COL19A1: variants seen among roughly 807,000 people sequenced by gnomAD.
COL19A1 encodes the protein collagen type XIX alpha 1 chain.
COL19A1 carries 159 observed loss-of-function variants against 190.2 expected under a neutral mutation model. That is an observed-to-expected ratio of 0.84 (90% CI 0.73 to 0.95). The LOEUF is 0.95. Among genes scored for constraint, COL19A1 ranks in the 40% least tolerant of loss-of-function variants. COL19A1 has a pLI of 0.00. For synonymous variants in COL19A1, 509 were observed against 458.9 expected (o/e 1.11, Z -1.39); for missense variants, 1,418 against 1,431.9 (o/e 0.99, Z 0.16).
In COL19A1 at chr6:70,142,088, A is replaced by G; in HGVS notation, c.1572+12A>G. 6.2e-7 allele frequency: 1 copy of G among 1,608,350 alleles called. No homozygotes were observed. Among genetic ancestry groups the G allele is most frequent in the Non-Finnish European group, 8.5e-7 (1 of 1,176,682 alleles). Reference sequence around the variant, plus strand: ...GCCCAGGACTAAAGGTATATAAGAAATAACTAAGATTTCTTGGGAAATAAT... The same window carrying G: ...GCCCAGGACTAAAGGTATATAAGAAGTAACTAAGATTTCTTGGGAAATAAT... On this transcript the variant is annotated intron_variant, in intron 22 of 50. Coordinates refer to ENST00000620364, the MANE Select transcript of COL19A1 (RefSeq NM_001858.6).
chr6:69,868,189 G>A (rs1234549031), intron 1 of COL19A1, among the ~76,000 whole-genome samples: 1 of 147,814 alleles, frequency 6.8e-6, no homozygotes, highest in Non-Finnish European at 1.5e-5. Flanking sequence ...AATTCTTTAG[G>A]AGACTAAAGG....
chr6:70,005,781 G>A (rs1777584512), intron 11 of COL19A1, among the ~76,000 whole-genome samples: 2 of 152,098 alleles, frequency 1.3e-5, no homozygotes, highest in African/African-American at 2.4e-5. Context: ...CTGGTCCACA[G>A]AGACTGTGGT....
In COL19A1 at chr6:70,156,665, T is replaced by C. The variant is rs370999283; in HGVS notation, c.2239-5T>C. 16 of 1,611,518 alleles carry C rather than the reference T, an allele frequency of 9.9e-6. No individual in the cohort carries two copies. In the African/African-American group the frequency reaches 1.9e-4, roughly 19 times the overall value. On this transcript the variant is annotated splice_region_variant and splice_polypyrimidine_tract_variant and intron_variant, in intron 33 of 50. Transcript: ENST00000620364. Reference sequence around the variant, plus strand: ...ATGTGCTAGCTGAATGTATTGTCTTTTTAGGGAAGCAAAGGAGAGCGGGGC... The same window carrying C: ...ATGTGCTAGCTGAATGTATTGTCTTCTTAGGGAAGCAAAGGAGAGCGGGGC...
intron 15 of COL19A1, 41 bp downstream of exon 15, chr6:70,068,517 G>A: frequency 7.6e-7 from 1 of 1,309,992 alleles, no homozygotes; most frequent in Non-Finnish European, 1.1e-6. Flanking sequence ...TACTAACTTA[G>A]GGGATACTTA....
chr6:70,197,818 T>C (rs1247835164), intron 48 of COL19A1, among the ~76,000 whole-genome samples: 1 of 152,202 alleles, frequency 6.6e-6, no homozygotes, highest in African/African-American at 2.4e-5. Context: ...TTGTGGTATA[T>C]TTCCATTCTG....
chr6:70,018,895 A>G (rs565832342), intron 11 of COL19A1, among the ~76,000 whole-genome samples: 1 of 152,266 alleles, frequency 6.6e-6, no homozygotes, highest in Non-Finnish European at 1.5e-5. Flanking sequence ...TTCTAGAAGC[A>G]TTAACTACCC....
At chr6:69,881,481 C>T (rs984687101) in intron 2 of COL19A1, among the ~76,000 whole-genome samples, 3 of 152,158 alleles carry the variant, frequency 2.0e-5, no homozygotes, top group African/African-American at 4.8e-5. Flanking sequence ...ATGTCTAGAA[C>T]GTAATCATCT....
intron 9 of COL19A1, among the ~76,000 whole-genome samples, chr6:69,950,514 A>G (rs1423332088): frequency 6.6e-6 from 1 of 151,812 alleles, no homozygotes; most frequent in Non-Finnish European, 1.5e-5. Flanking sequence ...TTATGAGTTC[A>G]TTTAAGAAAA....
chr6:70,056,473 T>C lies in COL19A1; in HGVS notation c.1171-11950T>C, dbSNP rs551400006. 2.0e-5 allele frequency among the ~76,000 whole-genome samples: 3 copies of C among 152,312 alleles called. No homozygotes were observed. In the East Asian group the frequency reaches 5.8e-4, roughly 29 times the overall value. On this transcript the variant is annotated intron_variant, in intron 14 of 50. Transcript: ENST00000620364. ...GAAAGCAGAAGGGAGGGACATTTTC[T>C]ACATTTCCTTTCTGGTTGAGTAGAA...
chr6:70,020,270 A>G (rs761221201), intron 11 of COL19A1, among the ~76,000 whole-genome samples: 4 of 151,956 alleles, frequency 2.6e-5, no homozygotes, highest in Non-Finnish European at 5.9e-5. Context: ...ATTTTCCCCC[A>G]ATTTGTTATT....
intron 15 of COL19A1, among the ~76,000 whole-genome samples, chr6:70,074,498 CAAAA>C (rs368408394): frequency 2.1e-5 from 2 of 97,190 alleles, no homozygotes; most frequent in Non-Finnish European, 4.0e-5. Context: ...GACTCCACCT[CAAAA>C]AAAAAAAAAA....
chr6:70,039,973 C>T (rs914883679), intron 14 of COL19A1, among the ~76,000 whole-genome samples: 1 of 151,516 alleles, frequency 6.6e-6, no homozygotes, highest in African/African-American at 2.4e-5. Flanking sequence ...GCTATGTTGC[C>T]TAGGCTGGTC....
rs139348358 is a variant in COL19A1 at position 69,867,876 on chromosome 6, T to G, written c.-33+1236T>G. Among the ~76,000 whole-genome samples, 22 of 152,016 alleles carry G rather than the reference T, an allele frequency of 1.4e-4. No homozygotes were observed. The East Asian group carries it at 4.1e-3, about 28-fold the overall frequency. ...TAGTTTTAATAGAACAATCCGTGAA[T>G]AGAGGCAAGAGAGTGATCATCGGCC... On this transcript the variant is annotated intron_variant, in intron 1 of 50. Transcript: ENST00000620364.
At chr6:69,873,252 T>TA (rs1767942268) in intron 1 of COL19A1, among the ~76,000 whole-genome samples, 1 of 148,948 alleles carries the variant, frequency 6.7e-6, no homozygotes, top group African/African-American at 2.5e-5. Context: ...TGAAATTCCC[T>TA]GAAAAAAAAA....
chr6:70,023,778 C>A, intron 12 of COL19A1, 98 bp downstream of exon 12: 2 of 1,059,272 alleles, frequency 1.9e-6, no homozygotes, highest in Non-Finnish European at 2.7e-6. Flanking sequence ...GCAGAGCCAG[C>A]CAGCCATGAT....
chr6:70,130,899 G>A (rs1785479481), intron 18 of COL19A1, among the ~76,000 whole-genome samples: 1 of 152,222 alleles, frequency 6.6e-6, no homozygotes, highest in African/African-American at 2.4e-5. Flanking sequence ...ACTATTTTGT[G>A]TCTTCCTAAT....
chr6:70,066,424 G>A (rs1387353946), intron 14 of COL19A1, among the ~76,000 whole-genome samples: 2 of 151,128 alleles, frequency 1.3e-5, no homozygotes, highest in Admixed American at 1.3e-4. Context: ...ACAGGAAGGG[G>A]AACATCACAC....
intron 31 of COL19A1, among the ~76,000 whole-genome samples, chr6:70,155,098 G>A (rs9354906): frequency 0.52 from 78,523 of 151,878 alleles, 21,026 homozygotes; most frequent in African/African-American, 0.65. Context: ...TTTCAGTATC[G>A]TGCAAAATTA....
At chr6:70,156,396 C>T (rs777320296) in intron 33 of COL19A1, 27 bp downstream of exon 33, 16 of 1,604,616 alleles carry the variant, frequency 1.0e-5, no homozygotes, top group East Asian at 4.5e-5. Flanking sequence ...TCCACTTTCC[C>T]CTGTGGGAAC....
Sources: gnomAD v4.1 joint callset for allele counts (sites outside exome capture counted in the v4.1 genomes callset) on GRCh38, gnomAD v4.1.1 for gene constraint, MANE v1.5 for transcripts, NCBI Gene and HGNC (gene_info 2026-07-23, HGNC 2026-07-21) for gene names.